RERGL: variants seen among roughly 807,000 people sequenced by gnomAD.
RERGL encodes the protein ras-related and estrogen-regulated growth inhibitor-like protein.
In RERGL, 22 loss-of-function variants were observed where a neutral mutation model predicts 24.7. That is an observed-to-expected ratio of 0.89 (90% CI 0.64 to 1.27). The LOEUF (loss-of-function observed/expected upper bound fraction) is 1.27. RERGL is among the 50% of genes most tolerant of loss of function. The pLI, the probability that RERGL is intolerant of heterozygous loss-of-function variation, is 0.00. For missense variants in RERGL, 259 were observed against 235.3 expected (o/e 1.10, Z -0.66); for synonymous variants, 76 against 82.6 (o/e 0.92, Z 0.43).
intron 2 of RERGL, among the ~76,000 whole-genome samples, chr12:18,086,381 A>T (rs1048078958): frequency 6.6e-6 from 1 of 151,972 alleles, no homozygotes; most frequent in Non-Finnish European, 1.5e-5. Flanking sequence ...ATATATCATA[A>T]TTTTTTCCTC....
intron 4 of RERGL, 44 bp from the exon 5 acceptor site, chr12:18,081,517 CT>C: frequency 8.1e-7 from 1 of 1,231,326 alleles, no homozygotes; most frequent in Non-Finnish European, 1.1e-6. Context: ...GTTTTAACAA[CT>C]CTTTTTTTTA....
chr12:18,083,973 TC>T (rs34196021), intron 4 of RERGL, among the ~76,000 whole-genome samples: 74 of 152,272 alleles, frequency 4.9e-4, no homozygotes, highest in African/African-American at 1.6e-3. Flanking sequence ...CCTTCATAGT[TC>T]CTTGTGTCAA....
At chr12:18,087,824 C>T (rs1448314796) in intron 2 of RERGL, among the ~76,000 whole-genome samples, 1 of 152,072 alleles carries the variant, frequency 6.6e-6, no homozygotes, top group Non-Finnish European at 1.5e-5. Context: ...ACCTTTTTGA[C>T]TGATGTCGTT....
At chr12:18,089,791 G>A (rs571824267) in intron 1 of RERGL, among the ~76,000 whole-genome samples, 65 of 152,152 alleles carry the variant, frequency 4.3e-4, no homozygotes, top group African/African-American at 1.3e-3. Context: ...TAGTGATGCA[G>A]AAATTTCCTG....
chr12:18,082,009 A>G (rs896670905), intron 4 of RERGL, among the ~76,000 whole-genome samples: 2 of 151,996 alleles, frequency 1.3e-5, no homozygotes, highest in African/African-American at 4.8e-5. Flanking sequence ...GCGTGGTTGC[A>G]CGCACTTGTA....
At chr12:18,086,324 C>T (rs1264081308) in intron 2 of RERGL, among the ~76,000 whole-genome samples, 2 of 152,006 alleles carry the variant, frequency 1.3e-5, no homozygotes, top group Non-Finnish European at 2.9e-5. Context: ...TGATGATTTC[C>T]CCTCACCCAC....
intron 4 of RERGL, 74 bp from the exon 5 acceptor site, chr12:18,081,547 A>T (rs1490972276): frequency 1.1e-5 from 13 of 1,226,202 alleles, no homozygotes; most frequent in Non-Finnish European, 1.4e-5. Flanking sequence ...AAAAAAACAG[A>T]TTTATAACCA....
In RERGL at chr12:18,084,468, T is replaced by C. The variant is rs759713500; in HGVS notation, c.332+49A>G. Reference sequence around the variant, plus strand: ...CTCTTCCTAATGATGCTTACAGCTATATGATGATTTACTAAAAAGAAAGGA... The same window carrying C: ...CTCTTCCTAATGATGCTTACAGCTACATGATGATTTACTAAAAAGAAAGGA... On this transcript the variant is annotated intron_variant, in intron 4 of 4. Coordinates refer to ENST00000538724, the MANE Select transcript of RERGL (RefSeq NM_001286201.2). The C allele has an allele frequency of 3.9e-6, 6 of 1,537,244 alleles. No individual in the cohort carries two copies. The Admixed American group carries it at 5.9e-5, about 15-fold the overall frequency.
intron 2 of RERGL, among the ~76,000 whole-genome samples, chr12:18,087,705 A>C (rs1331081697): frequency 6.6e-6 from 1 of 152,128 alleles, no homozygotes; most frequent in African/African-American, 2.4e-5. Flanking sequence ...TCAAAGTTTA[A>C]GTTGAGGGCT....
chr12:18,085,967 C>T (rs1198679633), intron 2 of RERGL, among the ~76,000 whole-genome samples: 2 of 150,592 alleles, frequency 1.3e-5, no homozygotes, highest in African/African-American at 2.4e-5. Context: ...ACGCCGTTCT[C>T]CTGCCTCAGC....
chr12:18,086,943 C>T (rs144310388), intron 2 of RERGL, among the ~76,000 whole-genome samples: 48 of 152,282 alleles, frequency 3.2e-4, no homozygotes, highest in African/African-American at 1.1e-3. Context: ...AATGGCATAT[C>T]CATAACTCCA....
intron 4 of RERGL, 86 bp from the exon 5 acceptor site, chr12:18,081,559 A>T: frequency 2.4e-6 from 3 of 1,251,878 alleles, no homozygotes; most frequent in South Asian, 1.6e-5. Flanking sequence ...TTATAACCAA[A>T]GGATTATAAA....
chr12:18,088,900 C>G lies in RERGL; in HGVS notation c.109G>C (p.Glu37Gln), dbSNP rs373445581. 5 of 1,596,476 alleles carry G rather than the reference C, an allele frequency of 3.1e-6. No homozygotes were observed. The African/African-American group carries it at 5.4e-5, about 17-fold the overall frequency. ...RFIGEYASNFESIYKKHLCLE... is the reference protein window; with the variant it reads ...RFIGEYASNFQSIYKKHLCLE... ...AAAAATGTCTAGAGTAGTGACTTACCAAAATTAGAAGCATATTCTCCAATG... is the reference window on the plus strand; with the variant it reads ...AAAAATGTCTAGAGTAGTGACTTACGAAAATTAGAAGCATATTCTCCAATG... The change falls in exon 2 of 5, where the codon GAA (glutamate) becomes CAA (glutamine). Residue 37 changes from glutamate (E) to glutamine (Q), a missense_variant and splice_region_variant. By Grantham distance (29) the Glu-to-Gln change is conservative. Transcript: ENST00000538724.
chr12:18,089,968 T>C, intron 1 of RERGL, 121 bp downstream of exon 1: 1 of 657,704 alleles, frequency 1.5e-6, no homozygotes, highest in East Asian at 3.1e-5. Flanking sequence ...TGAGATAATG[T>C]TATTATAGAT....
At chr12:18,085,553 C>T (rs1233420200) in intron 3 of RERGL, 67 bp downstream of exon 3, 2 of 1,128,590 alleles carry the variant, frequency 1.8e-6, no homozygotes, top group Non-Finnish European at 2.6e-6. Flanking sequence ...ATATAATCTT[C>T]AAATCATAAT....
chr12:18,086,158 C>T (rs1341526833), intron 2 of RERGL, among the ~76,000 whole-genome samples: 3 of 149,406 alleles, frequency 2.0e-5, no homozygotes, highest in African/African-American at 7.3e-5. Context: ...CAGGCGTGAG[C>T]CACCGCGCCC....
rs926798687 is a variant in RERGL, at chr12:18,090,034, A to T, written c.52+55T>A. Reference sequence around the variant, plus strand: ...ATACGTGGTTAATGGTTAACATGTCAATGTTTCTCACTCTTTCTACACTCT... The same window carrying T: ...ATACGTGGTTAATGGTTAACATGTCTATGTTTCTCACTCTTTCTACACTCT... On this transcript the variant is annotated intron_variant, in intron 1 of 4. Coordinates refer to ENST00000538724, the MANE Select transcript of RERGL (RefSeq NM_001286201.2). The T allele has an allele frequency of 8.4e-6, 11 of 1,313,864 alleles. No homozygotes were observed. In the Admixed American group the frequency reaches 2.6e-4, roughly 32 times the overall value. 81.4% of individuals were successfully genotyped at this position (1,313,864 alleles called of 1,614,324 possible). A position where few individuals can be genotyped will look rare whatever the true frequency, so the allele number is the denominator to read the frequency against.
At chr12:18,086,016 C>G (rs532845858) in intron 2 of RERGL, among the ~76,000 whole-genome samples, 25 of 144,052 alleles carry the variant, frequency 1.7e-4, no homozygotes, top group Admixed American at 1.3e-3. Flanking sequence ...CGCCACCACG[C>G]CTGGCCAATT....
chr12:18,084,067 AAC>A (rs1456209145), intron 4 of RERGL, among the ~76,000 whole-genome samples: 1 of 152,164 alleles, frequency 6.6e-6, no homozygotes, highest in African/African-American at 2.4e-5. Flanking sequence ...AGAATTTGTA[AAC>A]AGTTTGATTA....
Sources: gnomAD v4.1 joint callset for allele counts (sites outside exome capture counted in the v4.1 genomes callset) on GRCh38, gnomAD v4.1.1 for gene constraint, MANE v1.5 for transcripts, NCBI Gene and HGNC (gene_info 2026-07-23, HGNC 2026-07-21) for gene names.